Variants in KALRN observed in about 807,000 individuals in gnomAD.
KALRN encodes the protein kalirin RhoGEF kinase.
KALRN carries 70 observed loss-of-function variants against 353.7 expected under a neutral mutation model. The observed-to-expected ratio is 0.20, with a 90% CI of 0.16 to 0.24. KALRN has a LOEUF of 0.24. KALRN is among the 10% of genes least tolerant of loss of function. KALRN has a pLI of 1.00. For missense variants in KALRN, 2,791 were observed against 3,756.7 expected, an observed-to-expected ratio of 0.74 and a Z score of 6.72; for synonymous variants, 1,391 against 1,434.8, an observed-to-expected ratio of 0.97 and a Z score of 0.69.
Position 124,492,345 on chromosome 3 carries a change from T to TGGG in KALRN, c.4690-394_4690-392dup, listed in dbSNP as rs139305594. On this transcript the variant is annotated intron_variant, in intron 31 of 59. Transcript: ENST00000682506. ...CATCCTGACATATATCCATACTGAT[T>TGGG]GGGAAGTAGATGCTGCCCCTCCCAG... Among the ~76,000 whole-genome samples the TGGG allele has an allele frequency of 7.3e-3, 1,111 of 152,298 alleles. 10 individuals carry two copies. Among genetic ancestry groups the TGGG allele is most frequent in the Non-Finnish European group, 0.013 (873 of 68,012 alleles).
chr3:124,333,839 G>A (rs1294034397), intron 8 of KALRN, among the ~76,000 whole-genome samples: 1 of 152,134 alleles, frequency 6.6e-6, no homozygotes, highest in Non-Finnish European at 1.5e-5. Context: ...AGTGAGCCGA[G>A]ATCGCACCAT....
chr3:124,380,804 C>T (rs2087253707), intron 10 of KALRN, among the ~76,000 whole-genome samples: 1 of 152,174 alleles, frequency 6.6e-6, no homozygotes, highest in African/African-American at 2.4e-5. Context: ...ATTTCTATTT[C>T]AAGGCTGTGC....
intron 58 of KALRN, among the ~76,000 whole-genome samples, chr3:124,713,923 T>C (rs1051488899): frequency 6.6e-6 from 1 of 152,206 alleles, no homozygotes; most frequent in South Asian, 2.1e-4. Flanking sequence ...TTTCAGCTTT[T>C]CAACTACCAT....
chr3:124,560,232 G>A (rs1226197602), intron 33 of KALRN, among the ~76,000 whole-genome samples: 1 of 152,250 alleles, frequency 6.6e-6, no homozygotes, highest in Non-Finnish European at 1.5e-5. Flanking sequence ...GTCTGCAAAA[G>A]GACTACACTC....
Position 124,398,846 on chromosome 3 carries a change from G to A in KALRN, c.2321G>A (p.Arg774His), listed in dbSNP as rs778689129. 8.7e-6 allele frequency: 14 copies of A among 1,612,970 alleles called. No homozygotes were observed. The Middle Eastern group carries it at 5.0e-4, about 57-fold the overall frequency. ...KIKLDIFLQL[R>H]IFEQYTIEVT... ...AAGCTGGACATCTTCCTGCAACTGC[G>A]CATCTTTGAGCAGTACACCATCGAG... Residue 774 changes from arginine to histidine, a missense_variant, in exon 13 of 60, where the codon CGC becomes CAC. This residue lies in a region of KALRN where 452 missense variants were observed against 575.8 expected (regional missense o/e 0.78). Transcript: ENST00000682506.
chr3:124,396,279 G>A (rs1037044272), intron 12 of KALRN, among the ~76,000 whole-genome samples: 13 of 152,060 alleles, frequency 8.5e-5, no homozygotes, highest in Non-Finnish European at 1.5e-5. Context: ...CATACCAGTT[G>A]TCCAATTAAA....
intron 1 of KALRN, among the ~76,000 whole-genome samples, chr3:124,053,165 T>C (rs1008539744): frequency 8.5e-5 from 13 of 152,270 alleles, no homozygotes; most frequent in African/African-American, 2.9e-4. Flanking sequence ...GCCTCCTGAG[T>C]AGCTGGGACT....
intron 1 of KALRN, among the ~76,000 whole-genome samples, chr3:124,212,151 G>T (rs2076955292): frequency 6.6e-6 from 1 of 151,890 alleles, no homozygotes; most frequent in Non-Finnish European, 1.5e-5. Flanking sequence ...TTTTCACATG[G>T]TCTTTATATA....
chr3:124,469,230 G>C (rs2060646454), intron 25 of KALRN, among the ~76,000 whole-genome samples: 1 of 152,222 alleles, frequency 6.6e-6, no homozygotes, highest in Admixed American at 6.5e-5. Flanking sequence ...AAATTTTGCT[G>C]CTTGTGGTTG....
chr3:124,466,376 CAGG>C (rs1433039602), intron 25 of KALRN, among the ~76,000 whole-genome samples: 1 of 152,174 alleles, frequency 6.6e-6, no homozygotes, highest in Non-Finnish European at 1.5e-5. Flanking sequence ...AGCACTCAGA[CAGG>C]AGAATATATT....
chr3:124,152,136 G>T, intron 1 of KALRN: 1 of 1,321,354 alleles, frequency 7.6e-7, no homozygotes, highest in South Asian at 1.2e-5. Context: ...TCATGAATCA[G>T]ATCCTTCCTG....
At position 124,694,508 on chromosome 3, in the gene KALRN, G is replaced by T; in HGVS notation, c.7577+5G>T. On this transcript the variant is annotated splice_donor_5th_base_variant and intron_variant, in intron 53 of 59. Transcript: ENST00000682506. ...CACATACACGGTCTCCTCTTGGTAA[G>T]CCGATTGCCCTAACATCAGCAACAG... The T allele has an allele frequency of 6.2e-7, 1 of 1,612,554 alleles. No individual in the cohort carries two copies.
At chr3:124,661,193 T>C (rs2084833975) in intron 44 of KALRN, among the ~76,000 whole-genome samples, 1 of 152,302 alleles carries the variant, frequency 6.6e-6, no homozygotes, top group Admixed American at 6.5e-5. Flanking sequence ...GCACTAGAGC[T>C]TAGCCCCACT....
At chr3:124,188,734 C>A (rs958083333) in intron 1 of KALRN, among the ~76,000 whole-genome samples, 3 of 152,186 alleles carry the variant, frequency 2.0e-5, no homozygotes, top group Admixed American at 1.3e-4. Flanking sequence ...AACAAGTTAG[C>A]CTGCCACAGT....
intron 53 of KALRN, among the ~76,000 whole-genome samples, chr3:124,694,709 G>A (rs989926845): frequency 1.3e-5 from 2 of 152,166 alleles, no homozygotes; most frequent in African/African-American, 4.8e-5. Context: ...TGCCACTCAC[G>A]CTGCAGCCTG....
intron 1 of KALRN, among the ~76,000 whole-genome samples, chr3:124,083,962 GT>G (rs1411698128): frequency 6.6e-6 from 1 of 152,230 alleles, no homozygotes; most frequent in Admixed American, 6.5e-5. Flanking sequence ...CAGGGAGGTT[GT>G]CCCTGACCTC....
chr3:124,474,642 A>C, intron 25 of KALRN, 21 bp from the exon 26 acceptor site: 1 of 1,608,438 alleles, frequency 6.2e-7, no homozygotes. Context: ...TGTCTGATTC[A>C]GTCTTTTTCT....
At chr3:124,489,598 C>T (rs2062921509) in intron 29 of KALRN, among the ~76,000 whole-genome samples, 1 of 152,168 alleles carries the variant, frequency 6.6e-6, no homozygotes. Flanking sequence ...TTTTTCTCCA[C>T]TCCTTTCCTC....
At chr3:124,453,018 A>G (rs932381853) in intron 21 of KALRN, among the ~76,000 whole-genome samples, 1 of 152,216 alleles carries the variant, frequency 6.6e-6, no homozygotes, top group Non-Finnish European at 1.5e-5. Flanking sequence ...AATTGTTTTC[A>G]GGAAAAATAA....
Sources: allele counts gnomAD v4.1 joint callset (sites outside exome capture counted in the v4.1 genomes callset), GRCh38; gene constraint gnomAD v4.1.1; regional missense constraint gnomAD v4.1.1; transcripts MANE v1.5; gene names NCBI Gene and HGNC (gene_info 2026-07-23, HGNC 2026-07-21).